GRAMD1B: variants seen among roughly 807,000 people sequenced by gnomAD.
The protein encoded by GRAMD1B is GRAM domain containing 1B.
A neutral mutation model predicts 99.7 loss-of-function variants in GRAMD1B; 37 were observed. That is an observed-to-expected ratio of 0.37 (90% CI 0.29 to 0.49). The LOEUF (loss-of-function observed/expected upper bound fraction) is 0.49. Among genes scored for constraint, GRAMD1B ranks in the 20% least tolerant of loss-of-function variants. The pLI is 0.98. For synonymous variants in GRAMD1B, 427 were observed against 387.6 expected, an observed-to-expected ratio of 1.10 and a Z score of -1.19; for missense variants, 888 against 1,009.2, an observed-to-expected ratio of 0.88 and a Z score of 1.63.
chr11:123,425,089 T>C (rs761959592), intron 1 of GRAMD1B, among the ~76,000 whole-genome samples: 1 of 152,228 alleles, frequency 6.6e-6, no homozygotes, highest in Non-Finnish European at 1.5e-5. Flanking sequence ...AGCAAGGAGA[T>C]GCTATTTATT....
chr11:123,363,845 A>G (rs1050029956), intron 1 of GRAMD1B, among the ~76,000 whole-genome samples: 1 of 152,192 alleles, frequency 6.6e-6, no homozygotes, highest in Admixed American at 6.5e-5. Flanking sequence ...AGCAGATGAT[A>G]TTTTATTGGC....
chr11:123,410,239 A>G (rs1017447989), intron 1 of GRAMD1B, among the ~76,000 whole-genome samples: 1 of 152,096 alleles, frequency 6.6e-6, no homozygotes, highest in Non-Finnish European at 1.5e-5. Flanking sequence ...AAACAAAAAC[A>G]AACAAAAAAC....
chr11:123,496,600 G>T (rs1045805592), intron 2 of GRAMD1B, among the ~76,000 whole-genome samples: 1 of 150,496 alleles, frequency 6.6e-6, no homozygotes, highest in Admixed American at 6.7e-5. Context: ...CCCTTTTGAG[G>T]CTGTTTTCTA....
intron 2 of GRAMD1B, among the ~76,000 whole-genome samples, chr11:123,575,425 C>T (rs979077475): frequency 6.6e-6 from 1 of 152,152 alleles, no homozygotes; most frequent in African/African-American, 2.4e-5. Context: ...TCAAATGATC[C>T]TCCTGCCTCA....
chr11:123,445,245 C>T (rs957786744), intron 1 of GRAMD1B, among the ~76,000 whole-genome samples: 4 of 152,120 alleles, frequency 2.6e-5, no homozygotes, highest in Non-Finnish European at 4.4e-5. Context: ...TTCTTTTGCC[C>T]GCAGGAATGT....
At chr11:123,363,278 C>T (rs566436342) in intron 1 of GRAMD1B, among the ~76,000 whole-genome samples, 11 of 152,240 alleles carry the variant, frequency 7.2e-5, no homozygotes, top group Non-Finnish European at 1.2e-4. Context: ...CAAATGACCC[C>T]GTGATGGCGT....
intron 2 of GRAMD1B, among the ~76,000 whole-genome samples, chr11:123,554,486 T>C (rs1366428721): frequency 7.4e-6 from 1 of 135,192 alleles, no homozygotes; most frequent in East Asian, 2.2e-4. Flanking sequence ...CCCAGGAGTT[T>C]CAGAGCAGCC....
intron 2 of GRAMD1B, among the ~76,000 whole-genome samples, chr11:123,548,325 T>TATACACAC (rs1555067740): frequency 1.2e-5 from 1 of 86,842 alleles, no homozygotes; most frequent in Non-Finnish European, 2.1e-5. Context: ...TATATATATA[T>TATACACAC]ACACACACAC....
chr11:123,556,754 G>A (rs1172484038), intron 2 of GRAMD1B, among the ~76,000 whole-genome samples: 1 of 152,200 alleles, frequency 6.6e-6, no homozygotes, highest in Non-Finnish European at 1.5e-5. Context: ...TGGAGATTGA[G>A]TCCGGAGGCG....
At chr11:123,549,556 G>A (rs1169039344) in intron 2 of GRAMD1B, among the ~76,000 whole-genome samples, 2 of 151,912 alleles carry the variant, frequency 1.3e-5, no homozygotes, top group African/African-American at 4.8e-5. Context: ...AAAAAAGAAT[G>A]ATTGTGGACC....
At chr11:123,515,761 A>G (rs545831340) in intron 2 of GRAMD1B, among the ~76,000 whole-genome samples, 1 of 150,510 alleles carries the variant, frequency 6.6e-6, no homozygotes, top group African/African-American at 2.4e-5. Context: ...CATGCTGTCA[A>G]TATATTCAAA....
chr11:123,614,737 C>T lies in GRAMD1B; in HGVS notation c.2228-8C>T, dbSNP rs745899980. 1.3e-6 allele frequency: 2 copies of T among 1,589,074 alleles called. No homozygotes were observed. The highest frequency in any genetic ancestry group is 4.5e-5 in the East Asian group (2 of 44,696). On this transcript the variant is annotated splice_polypyrimidine_tract_variant and splice_region_variant and intron_variant, in intron 16 of 19. Coordinates refer to ENST00000635736, the MANE Select transcript of GRAMD1B (RefSeq NM_001387025.1). ...CCATGGTGATGGTCTCTTTAATTCTCCCCACAGGTTCCACACAGACGCGGC... is the reference window on the plus strand; with the variant it reads ...CCATGGTGATGGTCTCTTTAATTCTTCCCACAGGTTCCACACAGACGCGGC...
chr11:123,609,607 G>A (rs930317709), intron 12 of GRAMD1B, among the ~76,000 whole-genome samples, 188 bp from the exon 13 acceptor site: 1 of 152,176 alleles, frequency 6.6e-6, no homozygotes, highest in Admixed American at 6.5e-5. Context: ...ATGCTACAAT[G>A]AGCCTCTTTC....
chr11:123,360,788 CTT>C (rs1946117798), intron 1 of GRAMD1B, among the ~76,000 whole-genome samples: 2 of 118,676 alleles, frequency 1.7e-5, no homozygotes, highest in African/African-American at 7.5e-5. Flanking sequence ...TCCTTCCTTC[CTT>C]CCTTCCTTCC....
chr11:123,496,133 A>G (rs1267962308), intron 2 of GRAMD1B, among the ~76,000 whole-genome samples: 1 of 152,200 alleles, frequency 6.6e-6, no homozygotes, highest in African/African-American at 2.4e-5. Flanking sequence ...CATTTCTTAT[A>G]GGACAGGTCT....
intron 1 of GRAMD1B, among the ~76,000 whole-genome samples, chr11:123,399,735 G>A (rs182829308): frequency 1.7e-4 from 26 of 152,218 alleles, no homozygotes; most frequent in African/African-American, 6.3e-4. Flanking sequence ...TCAGCCTCTT[G>A]AGTAGCTGGA....
intron 3 of GRAMD1B, among the ~76,000 whole-genome samples, chr11:123,578,070 C>T (rs1298751116): frequency 6.6e-6 from 1 of 152,148 alleles, no homozygotes; most frequent in African/African-American, 2.4e-5. Flanking sequence ...CAGGGCCTTT[C>T]CATCCTCCCA....
intron 7 of GRAMD1B, chr11:123,599,273 C>G: frequency 2.7e-6 from 2 of 737,056 alleles, no homozygotes; most frequent in Non-Finnish European, 5.1e-6. Context: ...TATCATCATA[C>G]AAATCCCTTG....
chr11:123,415,751 GACTA>G (rs569694998), intron 1 of GRAMD1B, among the ~76,000 whole-genome samples: 103 of 152,212 alleles, frequency 6.8e-4, no homozygotes, highest in African/African-American at 2.4e-3. Flanking sequence ...CTGTTTAATG[GACTA>G]ACTTTGTCAT....
Sources: allele counts gnomAD v4.1 joint callset (sites outside exome capture counted in the v4.1 genomes callset), GRCh38; gene constraint gnomAD v4.1.1; transcripts MANE v1.5; gene names NCBI Gene and HGNC (gene_info 2026-07-23, HGNC 2026-07-21).